Variants in TTC17 observed in about 807,000 individuals in gnomAD.
TTC17 encodes tetratricopeptide repeat domain 17.
In TTC17, 58 loss-of-function variants were observed where a neutral mutation model predicts 143.8. The ratio of observed to expected loss-of-function variants is 0.40; its 90% CI spans 0.33 to 0.50. The LOEUF is 0.50. Among genes scored for constraint, TTC17 ranks in the 20% least tolerant of loss-of-function variants. The pLI is 0.49. For synonymous variants in TTC17, 501 were observed against 497.8 expected (o/e 1.01, Z -0.09); for missense variants, 1,273 against 1,392.5 (o/e 0.91, Z 1.37).
intron 21 of TTC17, among the ~76,000 whole-genome samples, chr11:43,471,760 T>G (rs1335312355): frequency 6.6e-6 from 1 of 152,252 alleles, no homozygotes; most frequent in Non-Finnish European, 1.5e-5. Flanking sequence ...AGGTTGAAGA[T>G]GCAAGTTGCA....
At chr11:43,433,486 T>C (rs567787947) in intron 16 of TTC17, among the ~76,000 whole-genome samples, 1 of 152,304 alleles carries the variant, frequency 6.6e-6, no homozygotes, top group Non-Finnish European at 1.5e-5. Context: ...CTCTGAGAGA[T>C]GTTGGCCCCA....
chr11:43,449,241 G>T (rs896957536), intron 19 of TTC17: 1 of 152,280 alleles, frequency 6.6e-6, no homozygotes, highest in Non-Finnish European at 1.5e-5. Flanking sequence ...TCTGCTCCCT[G>T]CCTGTTTTTT....
chr11:43,451,492 A>G (rs1269140154), intron 21 of TTC17, among the ~76,000 whole-genome samples: 1 of 152,160 alleles, frequency 6.6e-6, no homozygotes, highest in Admixed American at 6.5e-5. Flanking sequence ...AAACTTACCT[A>G]GTCAGTTTTC....
chr11:43,459,917 A>G (rs1485901672), intron 21 of TTC17, among the ~76,000 whole-genome samples: 4 of 152,232 alleles, frequency 2.6e-5, no homozygotes, highest in Non-Finnish European at 5.9e-5. Context: ...TTAAGCAATG[A>G]CAGGTTAAGC....
intron 2 of TTC17, among the ~76,000 whole-genome samples, chr11:43,383,822 A>G (rs1430714700): frequency 6.6e-6 from 1 of 152,084 alleles, no homozygotes; most frequent in South Asian, 2.1e-4. Flanking sequence ...ATACTGAAAT[A>G]TTTACTGACG....
At chr11:43,389,493 T>C (rs1857296752) in intron 2 of TTC17, among the ~76,000 whole-genome samples, 159 bp from the exon 3 acceptor site, 1 of 152,236 alleles carries the variant, frequency 6.6e-6, no homozygotes, top group Non-Finnish European at 1.5e-5. Context: ...TTTGAGAAGC[T>C]TGTGTATGTT....
intron 18 of TTC17, among the ~76,000 whole-genome samples, chr11:43,445,555 C>T (rs1590434552): frequency 6.6e-6 from 1 of 152,178 alleles, no homozygotes; most frequent in African/African-American, 2.4e-5. Flanking sequence ...AAAGTGAAAA[C>T]TAAAGCCGAA....
chr11:43,410,008 A>T (rs536145185), intron 15 of TTC17, among the ~76,000 whole-genome samples: 2 of 151,916 alleles, frequency 1.3e-5, no homozygotes, highest in South Asian at 4.2e-4. Context: ...TGCCCGGCTA[A>T]TTTTTGTACT....
At position 43,444,078 on chromosome 11, in the gene TTC17, T is replaced by C; in HGVS notation, c.2534T>C (p.Val845Ala). Residue 845 changes from valine (V) to alanine (A), a missense_variant, in exon 18 of 24, where the codon GTA (valine) becomes GCA (alanine). Transcript: ENST00000039989. ...CAGATTACATTCCAGGTCAAACGTG[T>C]AAAGAAACCCAAAGGAGATCATAAG... ...TEWITFQVKR[V>A]KKPKGDHKKT... The C allele has an allele frequency of 4.3e-6, 7 of 1,610,088 alleles. No individual in the cohort carries two copies. The highest frequency in any genetic ancestry group is 5.1e-6 in the Non-Finnish European group (6 of 1,178,840).
At chr11:43,426,895 T>C (rs1347104178) in intron 16 of TTC17, among the ~76,000 whole-genome samples, 78 of 152,190 alleles carry the variant, frequency 5.1e-4, no homozygotes, top group Admixed American at 5.0e-3. Flanking sequence ...CTGGGCATAA[T>C]TAAGGATTGG....
At chr11:43,478,675 T>G (rs1590494087) in intron 21 of TTC17, among the ~76,000 whole-genome samples, 1 of 152,132 alleles carries the variant, frequency 6.6e-6, no homozygotes, top group Non-Finnish European at 1.5e-5. Context: ...TGACACAGTC[T>G]TAGCTCGCTG....
intron 21 of TTC17, among the ~76,000 whole-genome samples, chr11:43,457,161 G>C (rs1329004433): frequency 6.6e-6 from 1 of 151,960 alleles, no homozygotes; most frequent in East Asian, 1.9e-4. Context: ...ATTAGATCTA[G>C]ATTAGTTCCT....
intron 15 of TTC17, among the ~76,000 whole-genome samples, chr11:43,412,761 TTTCTGG>T: frequency 6.6e-6 from 1 of 152,202 alleles, no homozygotes. Flanking sequence ...ATCCAAAACA[TTTCTGG>T]TTCTAGGCAT....
chr11:43,493,940 C>A lies in TTC17; in HGVS notation c.*36C>A. ...CCTTCTCTCTTTCTCTTTACTCATG[C>A]TCTAAAAAAAAAGAATAAGAAAAGA... On this transcript the variant is annotated 3_prime_UTR_variant, in exon 24 of 24. Coordinates refer to ENST00000039989, the MANE Select transcript of TTC17 (RefSeq NM_018259.6). The A allele has an allele frequency of 6.6e-7, 1 of 1,524,034 alleles. No homozygotes were observed. The highest frequency in any genetic ancestry group is 8.8e-7 in the Non-Finnish European group (1 of 1,135,836). 94.4% of individuals were successfully genotyped at this position (1,524,034 alleles called of 1,614,324 possible). A position where few individuals can be genotyped will look rare whatever the true frequency, so the allele number is the denominator to read the frequency against.
Position 43,414,598 on chromosome 11 carries a change from CT to C in TTC17, c.2078del (p.Leu693Ter). On this transcript the variant is annotated frameshift_variant, in exon 16 of 24. Transcript: ENST00000039989. LOFTEE classifies it high-confidence loss of function. Reference protein sequence around the residue: ...LAINSSEPLTFLSLGNAYLAL... With the variant: ...LAINSSEPLTXLSLGNAYLAL... ...TTTTTTTTTCTTTTCAGCCTCTGAC[CT>C]TTTTGAGCCTGGGAAATGCTTACCT... 6.3e-7 allele frequency: 1 copy of C among 1,597,044 alleles called. No homozygotes were observed. The highest frequency in any genetic ancestry group is 8.5e-7 in the Non-Finnish European group (1 of 1,173,512).
At chr11:43,484,101 C>T (rs1271527618) in intron 21 of TTC17, among the ~76,000 whole-genome samples, 1 of 152,142 alleles carries the variant, frequency 6.6e-6, no homozygotes, top group East Asian at 1.9e-4. Context: ...GAGATTGTGT[C>T]ACTGTACTCC....
intron 18 of TTC17, among the ~76,000 whole-genome samples, chr11:43,444,690 G>T (rs778026936): frequency 6.7e-6 from 1 of 150,204 alleles, no homozygotes; most frequent in East Asian, 2.0e-4. Flanking sequence ...AGTAAAATAC[G>T]TGCAGCGTAC....
intron 16 of TTC17, among the ~76,000 whole-genome samples, chr11:43,427,488 A>T (rs138174622): frequency 8.3e-4 from 126 of 152,228 alleles, no homozygotes; most frequent in African/African-American, 3.0e-3. Context: ...CGGGTAGTTA[A>T]TTTTCTTGAC....
chr11:43,451,929 C>T (rs1014297588), intron 21 of TTC17, among the ~76,000 whole-genome samples: 4 of 152,078 alleles, frequency 2.6e-5, no homozygotes, highest in South Asian at 2.1e-4. Flanking sequence ...CTTCATCTTC[C>T]GAGTATCGCA....
Sources: allele counts gnomAD v4.1 joint callset (sites outside exome capture counted in the v4.1 genomes callset), GRCh38; gene constraint gnomAD v4.1.1; transcripts MANE v1.5; gene names NCBI Gene and HGNC (gene_info 2026-07-23, HGNC 2026-07-21).